EPRS1: variants seen among roughly 807,000 people sequenced by gnomAD.
EPRS1 encodes the protein bifunctional glutamate/proline--tRNA ligase.
A neutral mutation model predicts 188.3 loss-of-function variants in EPRS1; 107 were observed. That is an observed-to-expected ratio of 0.57 (90% confidence interval 0.49 to 0.67). The LOEUF (loss-of-function observed/expected upper bound fraction) is 0.67. Among genes scored for constraint, EPRS1 ranks in the 30% least tolerant of loss-of-function variants. The pLI, the probability that EPRS1 is intolerant of heterozygous loss-of-function variation, is 0.00. For synonymous variants in EPRS1, 596 were observed against 593.1 expected, an observed-to-expected ratio of 1.00 and a Z score of -0.07; for missense variants, 1,577 against 1,802.2, an observed-to-expected ratio of 0.88 and a Z score of 2.26.
In EPRS1 at chr1:220,020,182, G is replaced by T; in HGVS notation, c.1155C>A (p.Asp385Glu). ...PTYDFACPIV[D>E]SIEGVTHALR... ...GGGCATGTGTAACACCTTCGATGCTGTCAACTATGGGGCAGGCAAAATCAT... is the reference window on the plus strand; with the variant it reads ...GGGCATGTGTAACACCTTCGATGCTTTCAACTATGGGGCAGGCAAAATCAT... The change falls in exon 10 of 32, where the codon GAC becomes GAA. Residue 385 changes from aspartate (D) to glutamate (E), a missense_variant. Asp to Glu is a conservative substitution (Grantham distance 45). Coordinates refer to ENST00000366923, the MANE Select transcript of EPRS1 (RefSeq NM_004446.3). 6.2e-7 allele frequency: 1 copy of T among 1,613,776 alleles called. No individual in the cohort carries two copies. Among genetic ancestry groups the T allele is most frequent in the Non-Finnish European group, 8.5e-7 (1 of 1,179,840 alleles).
At chr1:219,986,364 A>G (rs2647460) in intron 20 of EPRS1, among the ~76,000 whole-genome samples, 91,651 of 152,074 alleles carry the variant, frequency 0.6, 28,666 homozygotes, top group Non-Finnish European at 0.7. Context: ...GATGATATAC[A>G]TATATTTTTA....
chr1:219,996,445 T>A (rs1489695465), intron 18 of EPRS1, among the ~76,000 whole-genome samples: 1 of 152,198 alleles, frequency 6.6e-6, no homozygotes, highest in Non-Finnish European at 1.5e-5. Context: ...CTGCATCACC[T>A]GAGAAACATT....
chr1:219,995,269 CA>C (rs1303969474), intron 18 of EPRS1, among the ~76,000 whole-genome samples: 3 of 152,138 alleles, frequency 2.0e-5, no homozygotes, highest in Non-Finnish European at 4.4e-5. Flanking sequence ...CCCATTAACC[CA>C]AAAGGATGGG....
At chr1:219,986,996 T>A in intron 20 of EPRS1, 146 bp downstream of exon 20, 1 of 832,940 alleles carries the variant, frequency 1.2e-6, no homozygotes, top group Admixed American at 2.7e-5. Context: ...AAATGGAAAA[T>A]CAATAAATGC....
chr1:220,033,615 C>T lies in EPRS1; in HGVS notation c.275G>A (p.Cys92Tyr). 11 of 1,609,418 alleles carry T rather than the reference C, an allele frequency of 6.8e-6. No individual in the cohort carries two copies. Among genetic ancestry groups the T allele is most frequent in the Non-Finnish European group, 8.5e-6 (10 of 1,176,140 alleles). Residue 92 changes from cysteine to tyrosine, a missense_variant, in exon 4 of 32, where the codon TGT (cysteine) becomes TAT (tyrosine). Cys to Tyr is a radical substitution (Grantham distance 194). Transcript: ENST00000366923. ...LEFSATKLSS[C>Y]DSFTSTINEL... is the part of the protein sequence containing the mutation. ...ATTAATTGTAGAAGTAAAGGAATCA[C>T]ATGAAGATAATTTTGTAGCACTGAA... is the stretch of plus-strand genomic sequence containing the variant.
chr1:220,021,091 C>T (rs972431072), intron 9 of EPRS1, among the ~76,000 whole-genome samples: 1 of 151,808 alleles, frequency 6.6e-6, no homozygotes, highest in East Asian at 1.9e-4. Context: ...CTATGTTGGC[C>T]AGGCTGGTCT....
intron 20 of EPRS1, among the ~76,000 whole-genome samples, chr1:219,985,664 C>T (rs1660993539): frequency 6.6e-6 from 1 of 152,154 alleles, no homozygotes; most frequent in African/African-American, 2.4e-5. Context: ...CCCAGCCTCC[C>T]AAAGTGCTGG....
intron 30 of EPRS1, 113 bp downstream of exon 30, chr1:219,971,956 C>A: frequency 2.0e-6 from 1 of 495,618 alleles, no homozygotes; most frequent in Non-Finnish European, 3.6e-6. Context: ...AATGTACTAT[C>A]TTTTTATGTG....
rs267598382 is a variant in EPRS1, at chr1:219,988,619, G to A, written c.2746C>T (p.Arg916Trp). ...GGGGCTTTTTCAGTTTTAAGTTTCCGAACTACTTCCCCTTGAGAAGCTACT... is the reference window on the plus strand; with the variant it reads ...GGGGCTTTTTCAGTTTTAAGTTTCCAAACTACTTCCCCTTGAGAAGCTACT... Reference protein sequence around the residue: ...DKVASQGEVVRKLKTEKAPKD... With the variant: ...DKVASQGEVVWKLKTEKAPKD... Residue 916 changes from arginine (R) to tryptophan (W), a missense_variant, in exon 19 of 32, where the codon CGG (arginine) becomes TGG (tryptophan). Physicochemically the swap from Arg to Trp is moderately radical, Grantham distance 101 (BLOSUM62 -3). This residue lies in a region of EPRS1 where 1,278 missense variants were observed against 1,457.4 expected (regional missense o/e 0.88). Coordinates refer to ENST00000366923, the MANE Select transcript of EPRS1 (RefSeq NM_004446.3). 19 of 1,613,114 alleles carry A rather than the reference G, an allele frequency of 1.2e-5. No homozygotes were observed. The East Asian group carries it at 3.1e-4, about 26-fold the overall frequency.
At chr1:220,032,939 T>A (rs2102596735) in intron 4 of EPRS1, among the ~76,000 whole-genome samples, 1 of 152,340 alleles carries the variant, frequency 6.6e-6, no homozygotes, top group Admixed American at 6.5e-5. Context: ...AATATACATT[T>A]TTAAATAAGT....
At chr1:220,025,339 G>T in intron 6 of EPRS1, 81 bp from the exon 7 acceptor site, 1 of 1,060,594 alleles carries the variant, frequency 9.4e-7, no homozygotes, top group Non-Finnish European at 1.3e-6. Flanking sequence ...GAGGAGATGA[G>T]AACTAAACAA....
At chr1:220,024,939 G>A in intron 7 of EPRS1, 193 bp downstream of exon 7, 1 of 561,210 alleles carries the variant, frequency 1.8e-6, no homozygotes, top group Non-Finnish European at 3.2e-6. Context: ...ACTGGGGAAA[G>A]GAAAAATAAC....
chr1:220,025,162 A>C lies in EPRS1; in HGVS notation c.720T>G (p.Asn240Lys). ...GKLIMRFDDT[N>K]PEKEKEDFEK... The stretch of plus-strand genomic sequence containing the variant: ...CAAAATCTTCCTTTTCTTTTTCAGG[A>C]TTTGTGTCATCAAATCTCATGATCA... Residue 240 changes from asparagine (N) to lysine (K), a missense_variant, in exon 7 of 32, where the codon AAT becomes AAG. By Grantham distance (94) the Asn-to-Lys change is moderately conservative. Transcript: ENST00000366923. The C allele has an allele frequency of 6.2e-7, 1 of 1,613,366 alleles. No homozygotes were observed. The highest frequency in any genetic ancestry group is 8.5e-7 in the Non-Finnish European group (1 of 1,179,494).
chr1:219,987,786 A>G (rs1442755052), intron 19 of EPRS1, among the ~76,000 whole-genome samples: 2 of 152,216 alleles, frequency 1.3e-5, no homozygotes, highest in East Asian at 3.8e-4. Context: ...TAACTGCATT[A>G]TCCAAATAGT....
chr1:220,000,688 A>G (rs1169130025), intron 17 of EPRS1, among the ~76,000 whole-genome samples: 1 of 152,196 alleles, frequency 6.6e-6, no homozygotes, highest in African/African-American at 2.4e-5. Flanking sequence ...TCTTAAGAGT[A>G]TAAGGGGTCT....
intron 6 of EPRS1, among the ~76,000 whole-genome samples, chr1:220,028,641 C>T (rs893994636): frequency 2.6e-5 from 4 of 152,072 alleles, no homozygotes; most frequent in African/African-American, 7.2e-5. Context: ...AATCTGTTTC[C>T]GAAACCATTT....
intron 12 of EPRS1, among the ~76,000 whole-genome samples, chr1:220,015,672 C>A (rs1354506583): frequency 1.3e-5 from 2 of 152,070 alleles, no homozygotes; most frequent in African/African-American, 2.4e-5. Context: ...AAATTTCAGA[C>A]TAAAAACACA....
rs1382022485 is a variant in EPRS1, at chr1:219,968,663, G to A, written c.*143C>T. The A allele has an allele frequency of 2.8e-6, 2 of 707,064 alleles. No individual in the cohort carries two copies. The highest frequency in any genetic ancestry group is 2.9e-5 in the Admixed American group (1 of 34,652). 43.8% of individuals were successfully genotyped at this position (707,064 alleles called of 1,614,324 possible). Reference sequence around the variant, plus strand: ...AAGTCTTTTATCCACTGTTAACTTAGGCATAAGAATAATTGTCCTGTGTGA... The same window carrying A: ...AAGTCTTTTATCCACTGTTAACTTAAGCATAAGAATAATTGTCCTGTGTGA... On this transcript the variant is annotated 3_prime_UTR_variant, in exon 32 of 32. Transcript: ENST00000366923.
intron 2 of EPRS1, among the ~76,000 whole-genome samples, chr1:220,036,911 T>C (rs1242011236): frequency 6.7e-6 from 1 of 149,396 alleles, no homozygotes; most frequent in Non-Finnish European, 1.5e-5. Context: ...AAAAAGAGTA[T>C]CCAGAATGTA....
Sources: allele counts gnomAD v4.1 joint callset (sites outside exome capture counted in the v4.1 genomes callset), GRCh38; gene constraint gnomAD v4.1.1; regional missense constraint gnomAD v4.1.1; transcripts MANE v1.5; gene names NCBI Gene and HGNC (gene_info 2026-07-23, HGNC 2026-07-21).